C8orf34: variants seen among roughly 807,000 people sequenced by gnomAD.
C8orf34 encodes chromosome 8 open reading frame 34, also known as uncharacterized protein C8orf34.
In C8orf34, 65 loss-of-function variants were observed where a neutral mutation model predicts 68.3. The observed-to-expected ratio is 0.95, with a 90% confidence interval of 0.78 to 1.17. The LOEUF (loss-of-function observed/expected upper bound fraction) is 1.17. C8orf34 is among the 50% of genes most tolerant of loss of function. C8orf34 has a pLI of 0.00. For missense variants in C8orf34, 664 were observed against 655.4 expected (o/e 1.01, Z -0.14); for synonymous variants, 244 against 241.2 (o/e 1.01, Z -0.11).
chr8:68,636,411 TAA>T (rs71253099), intron 7 of C8orf34, among the ~76,000 whole-genome samples: 360 of 141,772 alleles, frequency 2.5e-3, no homozygotes, highest in East Asian at 5.0e-3. Context: ...CTGCCTCTAC[TAA>T]AAAAAAAAAA....
At chr8:68,685,141 G>T (rs1006144389) in intron 8 of C8orf34, among the ~76,000 whole-genome samples, 1 of 152,022 alleles carries the variant, frequency 6.6e-6, no homozygotes, top group Non-Finnish European at 1.5e-5. Flanking sequence ...TAACATATAT[G>T]TACTTAATGC....
intron 8 of C8orf34, among the ~76,000 whole-genome samples, chr8:68,666,507 G>T (rs1819846297): frequency 6.6e-6 from 1 of 152,136 alleles, no homozygotes; most frequent in Admixed American, 6.5e-5. Flanking sequence ...CACTGTAATT[G>T]CTTTAGCAAA....
At chr8:68,517,115 A>G (rs1354512795) in intron 5 of C8orf34, among the ~76,000 whole-genome samples, 2 of 152,220 alleles carry the variant, frequency 1.3e-5, no homozygotes, top group Non-Finnish European at 2.9e-5. Context: ...AAATATTTTC[A>G]AAATAATTTT....
At chr8:68,581,130 C>T (rs571581928) in intron 7 of C8orf34, among the ~76,000 whole-genome samples, 1 of 152,202 alleles carries the variant, frequency 6.6e-6, no homozygotes, top group African/African-American at 2.4e-5. Flanking sequence ...ACACGAGGGC[C>T]TTCATAATAA....
At chr8:68,593,100 A>G (rs1033443743) in intron 7 of C8orf34, among the ~76,000 whole-genome samples, 1 of 152,198 alleles carries the variant, frequency 6.6e-6, no homozygotes, top group African/African-American at 2.4e-5. Flanking sequence ...CCTGAGATTC[A>G]TCAATTGGAA....
At chr8:68,565,280 T>C (rs1041110684) in intron 7 of C8orf34, among the ~76,000 whole-genome samples, 3 of 152,220 alleles carry the variant, frequency 2.0e-5, no homozygotes, top group African/African-American at 7.2e-5. Flanking sequence ...GATGGGCTTT[T>C]GTCAGTGTAG....
intron 8 of C8orf34, among the ~76,000 whole-genome samples, chr8:68,672,626 A>G (rs1350867225): frequency 1.3e-5 from 2 of 152,190 alleles, no homozygotes; most frequent in South Asian, 2.1e-4. Context: ...CCTGAGTTCC[A>G]GCAAGCCTTG....
At chr8:68,472,048 T>A (rs1812401414) in intron 4 of C8orf34, among the ~76,000 whole-genome samples, 1 of 151,972 alleles carries the variant, frequency 6.6e-6, no homozygotes, top group Non-Finnish European at 1.5e-5. Flanking sequence ...TACCATGCTC[T>A]TTTTCTGGCT....
intron 1 of C8orf34, among the ~76,000 whole-genome samples, chr8:68,434,379 C>T (rs1192429913): frequency 6.6e-6 from 1 of 152,130 alleles, no homozygotes; most frequent in Non-Finnish European, 1.5e-5. Flanking sequence ...TCAACTCCCA[C>T]TTATGAGTGA....
At chr8:68,533,359 A>C in intron 7 of C8orf34, 1 of 1,289,844 alleles carries the variant, frequency 7.8e-7, no homozygotes, top group Non-Finnish European at 9.8e-7. Flanking sequence ...ATTAGACTGT[A>C]TTTTGTGCTT....
chr8:68,473,473 A>G (rs917356234), intron 4 of C8orf34, among the ~76,000 whole-genome samples: 1 of 152,142 alleles, frequency 6.6e-6, no homozygotes, highest in African/African-American at 2.4e-5. Flanking sequence ...AGACAGAGCC[A>G]CCATTTTGAA....
chr8:68,508,866 A>G (rs910954007), intron 5 of C8orf34, among the ~76,000 whole-genome samples: 1 of 152,116 alleles, frequency 6.6e-6, no homozygotes, highest in Admixed American at 6.5e-5. Flanking sequence ...TATTGGGTGA[A>G]AAAGGAAGAA....
chr8:68,408,383 C>T (rs553624566), intron 1 of C8orf34, among the ~76,000 whole-genome samples: 3 of 151,906 alleles, frequency 2.0e-5, no homozygotes, highest in South Asian at 2.1e-4. Flanking sequence ...CTTGAATCAT[C>T]CTGAAACCAT....
chr8:68,709,988 G>C (rs1467617099), intron 9 of C8orf34, among the ~76,000 whole-genome samples: 2 of 151,972 alleles, frequency 1.3e-5, no homozygotes, highest in African/African-American at 4.8e-5. Context: ...GATTGAGAAG[G>C]ACATCTTCAA....
At chr8:68,411,611 T>C (rs375261259) in intron 1 of C8orf34, among the ~76,000 whole-genome samples, 1 of 152,216 alleles carries the variant, frequency 6.6e-6, no homozygotes, top group South Asian at 2.1e-4. Flanking sequence ...CAAACATATA[T>C]AAATCTTCAA....
chr8:68,492,404 A>AT (rs1265941622), intron 5 of C8orf34, among the ~76,000 whole-genome samples: 1 of 151,608 alleles, frequency 6.6e-6, no homozygotes, highest in African/African-American at 2.4e-5. Context: ...TAATTTTTTA[A>AT]TTTTTTTAGA....
intron 1 of C8orf34, among the ~76,000 whole-genome samples, chr8:68,388,909 G>A (rs1240316316): frequency 6.6e-6 from 1 of 152,114 alleles, no homozygotes; most frequent in African/African-American, 2.4e-5. Flanking sequence ...ACTGCCCTAA[G>A]CTGAGTTTTA....
Position 68,535,245 on chromosome 8 carries a change from G to A in C8orf34, c.1105+2096G>A, listed in dbSNP as rs147531219. On this transcript the variant is annotated intron_variant, in intron 7 of 13. Coordinates refer to ENST00000518698, the MANE Select transcript of C8orf34 (RefSeq NM_052958.4). ...AATCTAATTTTATAGAGTTTATATA[G>A]AATCATTGTAAGATGCAATAGAGAC... 7.0e-4 allele frequency: 687 copies of A among 978,212 alleles called. 2 individuals are homozygous for A. In the African/African-American group the frequency reaches 0.01, roughly 15 times the overall value. The allele number at this position is 978,212 out of a possible 1,614,324, so 60.6% of individuals were successfully genotyped here.
chr8:68,536,742 A>T (rs912349444), intron 7 of C8orf34, among the ~76,000 whole-genome samples: 2 of 152,148 alleles, frequency 1.3e-5, no homozygotes, highest in African/African-American at 4.8e-5. Flanking sequence ...TAAAAATCAA[A>T]TTCCAAAGAT....
Sources: gnomAD v4.1 joint callset for allele counts (sites outside exome capture counted in the v4.1 genomes callset) on GRCh38, gnomAD v4.1.1 for gene constraint, MANE v1.5 for transcripts, NCBI Gene and HGNC (gene_info 2026-07-23, HGNC 2026-07-21) for gene names.